GLRX: variants seen among roughly 807,000 people sequenced by gnomAD.
The protein encoded by GLRX is glutaredoxin-1.
In GLRX, 9 loss-of-function variants were observed where a neutral mutation model predicts 11.1. The observed-to-expected ratio is 0.81, with a 90% CI of 0.49 to 1.42. GLRX has a LOEUF of 1.42. Ranked by LOEUF, GLRX falls within the 40% of genes most tolerant of loss-of-function variation. GLRX has a pLI of 0.00. For synonymous variants in GLRX, 49 were observed against 49.5 expected (o/e 0.99, Z 0.04); for missense variants, 102 against 126.2 (o/e 0.81, Z 0.92).
At position 95,822,637 on chromosome 5, in the gene GLRX, T is replaced by C; in HGVS notation, c.26A>G (p.Lys9Arg). 2 of 1,613,906 alleles carry C rather than the reference T, an allele frequency of 1.2e-6. No homozygotes were observed. Among genetic ancestry groups the C allele is most frequent in the Non-Finnish European group, 1.7e-6 (2 of 1,179,838 alleles). The part of the protein sequence containing the change: MAQEFVNC[K>R]IQPGKVVVFI... ...CACAACCACCTTCCCAGGCTGGATT[T>C]TGCAGTTCACAAACTCTTGAGCCAT... The change falls in exon 1 of 3, where the codon AAA (lysine) becomes AGA (arginine). Residue 9 changes from lysine to arginine, a missense_variant. Coordinates refer to ENST00000237858, the MANE Select transcript of GLRX (RefSeq NM_001118890.2).
At chr5:95,821,889 C>T (rs899193475) in intron 1 of GLRX, among the ~76,000 whole-genome samples, 2 of 152,072 alleles carry the variant, frequency 1.3e-5, no homozygotes, top group Non-Finnish European at 2.9e-5. Flanking sequence ...GGCCAGAACT[C>T]CAGGCTATGA....
At chr5:95,816,410 C>T in intron 2 of GLRX, 97 bp downstream of exon 2, 1 of 663,548 alleles carries the variant, frequency 1.5e-6, no homozygotes, top group Non-Finnish European at 2.8e-6. Context: ...ATCATTTCTT[C>T]CCCCAACCAG....
intron 1 of GLRX, chr5:95,817,357 G>T (rs781598620): frequency 6.5e-6 from 1 of 152,722 alleles, no homozygotes; most frequent in Non-Finnish European, 1.5e-5. Context: ...CGAGGCTGCA[G>T]TAAGCTGTGA....
Position 95,822,608 on chromosome 5 carries a change from T to C in GLRX, c.55A>G (p.Ile19Val), listed in dbSNP as rs1747290128. 6.2e-7 allele frequency: 1 copy of C among 1,613,836 alleles called. No individual in the cohort carries two copies. The highest frequency in any genetic ancestry group is 1.3e-5 in the African/African-American group (1 of 74,908). ...CTGCAGTACGGGCAGGTGGGCTTGA[T>C]GAACACAACCACCTTCCCAGGCTGG... ...KIQPGKVVVF[I>V]KPTCPYCRRA... The change falls in exon 1 of 3, where the codon ATC becomes GTC. Residue 19 changes from isoleucine (I) to valine (V), a missense_variant. Transcript: ENST00000237858.
rs1451600283 is a variant in GLRX, at chr5:95,813,894, AAC to A, written c.*500_*501del. On this transcript the variant is annotated 3_prime_UTR_variant, in exon 3 of 3. Coordinates refer to ENST00000237858, the MANE Select transcript of GLRX (RefSeq NM_001118890.2). ...ATTTATAATGGCAGGGCCAAATATA[AAC>A]ACAGTTTTAAGTTAGTGTATTTCGC... is the stretch of plus-strand genomic sequence containing the variant. The A allele has an allele frequency of 1.3e-5, 2 of 152,252 alleles. No homozygotes were observed. Among genetic ancestry groups the A allele is most frequent in the Non-Finnish European group, 1.5e-5 (1 of 68,048 alleles). The allele number at this position is 152,252 out of a possible 1,614,324, so 9.4% of individuals were successfully genotyped here.
At chr5:95,820,777 C>G (rs1402617333) in intron 1 of GLRX, among the ~76,000 whole-genome samples, 1 of 151,054 alleles carries the variant, frequency 6.6e-6, no homozygotes, top group African/African-American at 2.4e-5. Flanking sequence ...GGGCTGAGAA[C>G]AATAATCCCA....
chr5:95,816,730 C>T, intron 1 of GLRX, 104 bp from the exon 2 acceptor site: 3 of 696,496 alleles, frequency 4.3e-6, no homozygotes, highest in South Asian at 3.2e-5. Flanking sequence ...TTTCAAATCA[C>T]TTTAAAACCT....
intron 1 of GLRX, among the ~76,000 whole-genome samples, chr5:95,820,993 G>A (rs1422524603): frequency 6.6e-6 from 1 of 152,002 alleles, no homozygotes; most frequent in Non-Finnish European, 1.5e-5. Context: ...GTGGGCGCCT[G>A]TAATCCCAGC....
In GLRX at chr5:95,822,197, T is replaced by C. The variant is rs28926196; in HGVS notation, c.207+259A>G. 5.3e-3 allele frequency: 2,842 copies of C among 537,332 alleles called. 67 individuals carry two copies. The highest frequency in any genetic ancestry group is 0.048 in the African/African-American group (2,524 of 52,906). The allele number at this position is 537,332 out of a possible 1,614,324, so 33.3% of individuals were successfully genotyped here. A position where few individuals can be genotyped will look rare whatever the true frequency, so the allele number is the denominator to read the frequency against. Reference sequence around the variant, plus strand: ...CCCCAGGGACTCACCGGCAAGCTGCTGGTCCCACTTACCCTGCCGCACAGC... The same window carrying C: ...CCCCAGGGACTCACCGGCAAGCTGCCGGTCCCACTTACCCTGCCGCACAGC... On this transcript the variant is annotated intron_variant, in intron 1 of 2. Coordinates refer to ENST00000237858, the MANE Select transcript of GLRX (RefSeq NM_001118890.2).
intron 2 of GLRX, among the ~76,000 whole-genome samples, chr5:95,815,135 A>G (rs1746941125): frequency 6.6e-6 from 1 of 152,224 alleles, no homozygotes; most frequent in African/African-American, 2.4e-5. Context: ...GCAAATAAGG[A>G]GACTTTCTGA....
chr5:95,818,849 C>A (rs533368636), intron 1 of GLRX: 1 of 152,624 alleles, frequency 6.6e-6, no homozygotes, highest in African/African-American at 2.4e-5. Flanking sequence ...GACCTCACCT[C>A]CACTAACTCT....
chr5:95,821,994 TAAGG>T (rs1747255126), intron 1 of GLRX, among the ~76,000 whole-genome samples: 1 of 152,012 alleles, frequency 6.6e-6, no homozygotes, highest in African/African-American at 2.4e-5. Flanking sequence ...AGGAATTAGA[TAAGG>T]AAGAATGAGC....
intron 2 of GLRX, among the ~76,000 whole-genome samples, chr5:95,815,923 A>G (rs1473444842): frequency 6.6e-6 from 1 of 152,096 alleles, no homozygotes; most frequent in Non-Finnish European, 1.5e-5. Flanking sequence ...CTTTCTCGCT[A>G]TTCTTCCTTT....
chr5:95,822,397 G>T (rs1418804570), intron 1 of GLRX, 59 bp downstream of exon 1: 3 of 1,319,968 alleles, frequency 2.3e-6, no homozygotes, highest in Non-Finnish European at 3.3e-6. Flanking sequence ...GAAAGGCACA[G>T]CTCTGACAAG....
intron 2 of GLRX, chr5:95,814,962 C>T: frequency 6.0e-6 from 1 of 167,486 alleles, no homozygotes. Flanking sequence ...CCTGTTCTGC[C>T]AGGAAAGAAA....
rs1405435017 is a variant in GLRX at position 95,818,996 on chromosome 5, A to G, written c.208-2370T>C. ...CACCCATCTCCCTCAGCTCCTATAG[A>G]TATCTGCTCGAATGTTCCCTTCTCA... On this transcript the variant is annotated intron_variant, in intron 1 of 2. Transcript: ENST00000237858. 2.0e-5 allele frequency: 3 copies of G among 152,266 alleles called. No individual in the cohort carries two copies. The East Asian group carries it at 5.8e-4, about 29-fold the overall frequency. 9.4% of individuals were successfully genotyped at this position (152,266 alleles called of 1,614,324 possible).
At chr5:95,818,783 A>C (rs1747100864) in intron 1 of GLRX, 1 of 152,276 alleles carries the variant, frequency 6.6e-6, no homozygotes, top group South Asian at 2.1e-4. Flanking sequence ...CACCAGGGGC[A>C]TCTCATCTCA....
At chr5:95,821,299 C>G (rs1057136566) in intron 1 of GLRX, among the ~76,000 whole-genome samples, 1 of 152,178 alleles carries the variant, frequency 6.6e-6, no homozygotes, top group African/African-American at 2.4e-5. Flanking sequence ...AGTGTTTGCA[C>G]TGCCCTTTAC....
At chr5:95,822,048 A>T (rs1747257303) in intron 1 of GLRX, among the ~76,000 whole-genome samples, 1 of 152,210 alleles carries the variant, frequency 6.6e-6, no homozygotes, top group South Asian at 2.1e-4. Flanking sequence ...AATGAAGAAC[A>T]TGAATCTCAT....
Sources: allele counts gnomAD v4.1 joint callset (sites outside exome capture counted in the v4.1 genomes callset), GRCh38; gene constraint gnomAD v4.1.1; transcripts MANE v1.5; gene names NCBI Gene and HGNC (gene_info 2026-07-23, HGNC 2026-07-21).